The following AGBL2 variants were observed in gnomAD, a reference collection of about 807,000 sequenced individuals.
The protein encoded by AGBL2 is cytosolic carboxypeptidase 2.
In AGBL2, 87 loss-of-function variants were observed where a neutral mutation model predicts 103.0. That is an observed-to-expected ratio of 0.84 (90% CI 0.71 to 1.01). The LOEUF (loss-of-function observed/expected upper bound fraction) is 1.01. Ranked by LOEUF, AGBL2 falls within the 50% of genes least tolerant of loss-of-function variation. The pLI, the probability that AGBL2 is intolerant of heterozygous loss-of-function variation, is 0.00. For missense variants in AGBL2, 904 were observed against 1,023.5 expected (o/e 0.88, Z 1.59); for synonymous variants, 335 against 356.7 (o/e 0.94, Z 0.69).
At chr11:47,662,633 C>G (rs1193668968) in intron 18 of AGBL2, among the ~76,000 whole-genome samples, 1 of 151,978 alleles carries the variant, frequency 6.6e-6, no homozygotes, top group African/African-American at 2.4e-5. Flanking sequence ...GCTGGGATTA[C>G]AGGCACACAC....
chr11:47,686,118 T>C, intron 10 of AGBL2, 69 bp from the exon 11 acceptor site: 1 of 1,498,012 alleles, frequency 6.7e-7, no homozygotes, highest in Non-Finnish European at 9.2e-7. Flanking sequence ...GATCATTTGG[T>C]ATCTCTTCCT....
At chr11:47,705,047 GT>G (rs1379612199) in intron 6 of AGBL2, 2 of 186,964 alleles carry the variant, frequency 1.1e-5, no homozygotes, top group African/African-American at 2.3e-5. Flanking sequence ...TACTTAATAT[GT>G]TTTATTATTT....
chr11:47,667,494 C>G lies in AGBL2; in HGVS notation c.2340+77G>C, dbSNP rs552371605. 3,194 of 1,544,280 alleles carry G rather than the reference C, an allele frequency of 2.1e-3. 6 individuals carry two copies. Among genetic ancestry groups the G allele is most frequent in the Middle Eastern group, 8.8e-3 (44 of 4,980 alleles). On this transcript the variant is annotated intron_variant, in intron 16 of 18. Transcript: ENST00000525123. Reference sequence around the variant, plus strand: ...CATCCCCTTTTTGGTTTAGAGTAAACTTTAACCCCCTTTCCTTATCCCTCT... The same window carrying G: ...CATCCCCTTTTTGGTTTAGAGTAAAGTTTAACCCCCTTTCCTTATCCCTCT...
intron 8 of AGBL2, among the ~76,000 whole-genome samples, chr11:47,698,453 T>C (rs2097485572): frequency 6.6e-6 from 1 of 152,244 alleles, no homozygotes; most frequent in Admixed American, 6.5e-5. Flanking sequence ...ATTATAGGCG[T>C]GAGCCACAGC....
chr11:47,715,269 C>G lies in AGBL2; in HGVS notation c.-195G>C, dbSNP rs996801140. ...GGCAGAGAAGCTCCAGCGAGGCAGG[C>G]GGCCACCGCACTTAAGTACAGAGGC... On this transcript the variant is annotated 5_prime_UTR_variant, in exon 1 of 19. Coordinates refer to ENST00000525123, the MANE Select transcript of AGBL2 (RefSeq NM_024783.4). 7.2e-5 allele frequency: 11 copies of G among 153,428 alleles called. No individual in the cohort carries two copies. Among genetic ancestry groups the G allele is most frequent in the African/African-American group, 2.7e-4 (11 of 41,462 alleles). The allele number at this position is 153,428 out of a possible 1,614,324, so 9.5% of individuals were successfully genotyped here.
chr11:47,714,219 A>G (rs1469775557), intron 3 of AGBL2, 65 bp downstream of exon 3: 2 of 1,271,018 alleles, frequency 1.6e-6, no homozygotes, highest in African/African-American at 3.0e-5. Flanking sequence ...CAACCCTCCC[A>G]GCTAACGAAG....
chr11:47,704,204 G>C (rs1599077977), intron 7 of AGBL2, among the ~76,000 whole-genome samples: 1 of 151,940 alleles, frequency 6.6e-6, no homozygotes, highest in Non-Finnish European at 1.5e-5. Context: ...GCAGAAGGCC[G>C]GGCTTGGTGG....
At chr11:47,687,445 T>C (rs2097428428) in intron 10 of AGBL2, among the ~76,000 whole-genome samples, 2 of 152,092 alleles carry the variant, frequency 1.3e-5, no homozygotes, top group South Asian at 4.1e-4. Flanking sequence ...TTATCAATTA[T>C]TCATTGAAAC....
intron 15 of AGBL2, 44 bp downstream of exon 15, chr11:47,668,797 T>C: frequency 6.6e-7 from 1 of 1,523,900 alleles, no homozygotes; most frequent in Non-Finnish European, 9.1e-7. Flanking sequence ...TGTCATGACT[T>C]TTTTTTAAGG....
At chr11:47,678,320 A>ATTTTATTT (rs1490110500) in intron 13 of AGBL2, among the ~76,000 whole-genome samples, 1 of 119,696 alleles carries the variant, frequency 8.4e-6, no homozygotes, top group Non-Finnish European at 1.9e-5. Flanking sequence ...ATTTTATTTT[A>ATTTTATTT]TTTTATTTTA....
intron 4 of AGBL2, among the ~76,000 whole-genome samples, chr11:47,707,527 A>G (rs1321169516): frequency 2.0e-5 from 3 of 152,154 alleles, no homozygotes; most frequent in Non-Finnish European, 4.4e-5. Flanking sequence ...CTTATTCACT[A>G]TCACAAGGAC....
intron 7 of AGBL2, among the ~76,000 whole-genome samples, chr11:47,702,716 A>T (rs934755283): frequency 6.6e-6 from 1 of 151,834 alleles, no homozygotes; most frequent in African/African-American, 2.4e-5. Flanking sequence ...TGTACTAAAA[A>T]TACAAAAATT....
intron 7 of AGBL2, among the ~76,000 whole-genome samples, chr11:47,701,493 T>G (rs763467738): frequency 4.0e-5 from 6 of 149,100 alleles, no homozygotes; most frequent in Non-Finnish European, 6.0e-5. Context: ...AAAAAGATCT[T>G]GTAGTTTAGT....
intron 11 of AGBL2, 128 bp downstream of exon 11, chr11:47,685,765 C>A: frequency 9.7e-7 from 1 of 1,034,142 alleles, no homozygotes; most frequent in East Asian, 2.5e-5. Context: ...TTCTTGAAGT[C>A]TAGGTTGCTC....
chr11:47,706,145 G>A (rs1406284033), intron 4 of AGBL2, among the ~76,000 whole-genome samples: 2 of 152,214 alleles, frequency 1.3e-5, no homozygotes, highest in Admixed American at 1.3e-4. Flanking sequence ...AAGCAGTTTG[G>A]GCACGGTAGC....
At chr11:47,693,856 T>C (rs2097457135) in intron 8 of AGBL2, among the ~76,000 whole-genome samples, 1 of 151,652 alleles carries the variant, frequency 6.6e-6, no homozygotes, top group Admixed American at 6.6e-5. Flanking sequence ...CGTTCCATTA[T>C]ATCAGTGGTC....
At chr11:47,712,140 C>T (rs2097537980) in intron 3 of AGBL2, among the ~76,000 whole-genome samples, 1 of 152,116 alleles carries the variant, frequency 6.6e-6, no homozygotes, top group Non-Finnish European at 1.5e-5. Context: ...GGCCACAGTA[C>T]ATAAGTACTT....
chr11:47,679,088 A>AAAAAT (rs2097390866), intron 13 of AGBL2, among the ~76,000 whole-genome samples: 1 of 131,848 alleles, frequency 7.6e-6, no homozygotes, highest in African/African-American at 2.6e-5. Flanking sequence ...AAAAAAAAAA[A>AAAAAT]AGAAAAGACA....
At chr11:47,680,326 C>T (rs1045158844) in intron 12 of AGBL2, among the ~76,000 whole-genome samples, 2 of 151,822 alleles carry the variant, frequency 1.3e-5, no homozygotes, top group Non-Finnish European at 2.9e-5. Flanking sequence ...TGGTGGTGGG[C>T]GCCTGTAGCC....
Sources: allele counts gnomAD v4.1 joint callset (sites outside exome capture counted in the v4.1 genomes callset), GRCh38; gene constraint gnomAD v4.1.1; transcripts MANE v1.5; gene names NCBI Gene and HGNC (gene_info 2026-07-23, HGNC 2026-07-21).